The following ZNF701 variants were observed in gnomAD, a reference collection of about 807,000 sequenced individuals.
ZNF701 encodes zinc finger protein 701.
ZNF701 carries 6 observed loss-of-function variants against 7.1 expected under a neutral mutation model. The observed-to-expected ratio is 0.84, with a 90% CI of 0.46 to 1.66. ZNF701 has a LOEUF of 1.66. Among genes scored for constraint, ZNF701 ranks in the 40% most tolerant of loss-of-function variants. ZNF701 has a pLI of 0.01. For synonymous variants in ZNF701, 166 were observed against 188.2 expected, an observed-to-expected ratio of 0.88 and a Z score of 0.97; for missense variants, 541 against 559.2, an observed-to-expected ratio of 0.97 and a Z score of 0.33.
At chr19:52,578,352 C>CT (rs2059951078) in intron 3 of ZNF701, among the ~76,000 whole-genome samples, 1 of 152,056 alleles carries the variant, frequency 6.6e-6, no homozygotes, top group African/African-American at 2.4e-5. Flanking sequence ...GCAAGGGCCC[C>CT]TTGTCCTATG....
chr19:52,579,172 TAAAA>T (rs1568503552), intron 3 of ZNF701, among the ~76,000 whole-genome samples: 1 of 143,288 alleles, frequency 7.0e-6, no homozygotes, highest in Non-Finnish European at 1.5e-5. Flanking sequence ...CCGACAAAAA[TAAAA>T]AAAGTTCTAG....
chr19:52,593,576 G>A, the ZNF701 span, among the ~76,000 whole-genome samples: 8 of 114,676 alleles, frequency 7.0e-5, 2 homozygotes, highest in Admixed American at 2.7e-4. Flanking sequence ...TGGCTGCCGG[G>A]AGGAGACGCT....
chr19:52,597,284 G>T, the ZNF701 span: 6 of 545,336 alleles, frequency 1.1e-5, no homozygotes, highest in East Asian at 2.5e-4. Flanking sequence ...GCAAAGTCTT[G>T]ACTTCACGTT....
chr19:52,592,222 T>G, the ZNF701 span: 13 of 1,577,978 alleles, frequency 8.2e-6, no homozygotes, highest in Non-Finnish European at 1.1e-5. Context: ...GAACCTGGAG[T>G]TTGTGGGTGA....
At chr19:52,573,445 C>T (rs2059913125) in intron 1 of ZNF701, among the ~76,000 whole-genome samples, 1 of 152,096 alleles carries the variant, frequency 6.6e-6, no homozygotes, top group South Asian at 2.1e-4. Context: ...CCATGTTGGC[C>T]AGGCTGCTGT....
At position 52,582,902 on chromosome 19, in the gene ZNF701, C is replaced by G; in HGVS notation, c.843C>G (p.His281Gln). 6.2e-7 allele frequency: 1 copy of G among 1,612,852 alleles called. No individual in the cohort carries two copies. The change falls in exon 4 of 4, where the codon CAC (histidine) becomes CAG (glutamine). Residue 281 changes from histidine to glutamine, a missense_variant. Physicochemically the swap from His to Gln is conservative, Grantham distance 24. Coordinates refer to ENST00000391785, the MANE Select transcript of ZNF701 (RefSeq NM_018260.3). ...TCNECGKTFS[H>Q]NSALLVHKAI... ...ATGAGTGTGGCAAGACATTCAGTCA[C>G]AATTCAGCCCTGTTAGTTCACAAGG...
At chr19:52,575,825 C>T in intron 2 of ZNF701, 70 bp from the exon 3 acceptor site, 2 of 1,048,864 alleles carry the variant, frequency 1.9e-6, no homozygotes, top group South Asian at 1.6e-5. Flanking sequence ...TTCCCCTCTC[C>T]TCTTCTCATT....
At chr19:52,576,320 C>T (rs1218985350) in intron 3 of ZNF701, among the ~76,000 whole-genome samples, 1 of 152,052 alleles carries the variant, frequency 6.6e-6, no homozygotes, top group Non-Finnish European at 1.5e-5. Flanking sequence ...GCGTGTGGAT[C>T]ACTTCAGGTC....
In ZNF701 at chr19:52,584,594, T is replaced by C. The variant is rs187409868; in HGVS notation, c.*1137T>C. 9.2e-5 allele frequency: 14 copies of C among 152,370 alleles called. No individual in the cohort carries two copies. The highest frequency in any genetic ancestry group is 7.8e-4 in the Admixed American group (12 of 15,310). The allele number at this position is 152,370 out of a possible 1,614,324, so 9.4% of individuals were successfully genotyped here. ...AATGTGGGTTGTATATATATGTTTT[T>C]AATCATTTTGGTTAATGTTTGTAGA... On this transcript the variant is annotated 3_prime_UTR_variant, in exon 4 of 4. Transcript: ENST00000391785.
At chr19:52,575,851 A>T in intron 2 of ZNF701, 44 bp from the exon 3 acceptor site, 1 of 1,243,250 alleles carries the variant, frequency 8.0e-7, no homozygotes, top group Non-Finnish European at 1.1e-6. Flanking sequence ...TAAAGATAAG[A>T]TCTCCTCCCA....
In ZNF701 at chr19:52,585,981, T is replaced by C. The variant is rs2060008820; in HGVS notation, c.*2524T>C. 6.6e-6 allele frequency: 1 copy of C among 152,270 alleles called. No homozygotes were observed. The highest frequency in any genetic ancestry group is 2.4e-5 in the African/African-American group (1 of 41,446). 9.4% of individuals were successfully genotyped at this position (152,270 alleles called of 1,614,324 possible). On this transcript the variant is annotated 3_prime_UTR_variant, in exon 4 of 4. Coordinates refer to ENST00000391785, the MANE Select transcript of ZNF701 (RefSeq NM_018260.3). ...TAGTCTAGTTTTGGAAAGTTCGCGT[T>C]AATTGGTTTTAGATTCCCTGCCTCC... is the stretch of plus-strand genomic sequence containing the variant.
chr19:52,595,409 A>G, the ZNF701 span, among the ~76,000 whole-genome samples: 3 of 150,122 alleles, frequency 2.0e-5, no homozygotes, highest in Non-Finnish European at 3.0e-5. Flanking sequence ...AGCTAGGACT[A>G]TAGGCACCTA....
intron 1 of ZNF701, among the ~76,000 whole-genome samples, chr19:52,571,419 C>G (rs2059898965): frequency 1.3e-5 from 2 of 151,962 alleles, no homozygotes; most frequent in Non-Finnish European, 1.5e-5. Context: ...GGCAGAGATG[C>G]AGAGATGGGA....
At chr19:52,599,097 G>A in the ZNF701 span, among the ~76,000 whole-genome samples, 36,534 of 150,924 alleles carry the variant, frequency 0.24, 4,475 homozygotes, top group Admixed American at 0.32. Context: ...CCACGATCTC[G>A]CCTCACCACA....
intron 1 of ZNF701, among the ~76,000 whole-genome samples, chr19:52,573,650 G>C (rs2146978967): frequency 6.6e-6 from 1 of 152,124 alleles, no homozygotes; most frequent in South Asian, 2.1e-4. Flanking sequence ...TGGGACCAGA[G>C]ACACACAGAC....
chr19:52,592,435 A>G, the ZNF701 span, among the ~76,000 whole-genome samples: 1 of 152,210 alleles, frequency 6.6e-6, no homozygotes. Flanking sequence ...CAGAAAATTC[A>G]TGAAGAACAC....
chr19:52,577,494 T>TGTCA (rs1161778733), intron 3 of ZNF701, among the ~76,000 whole-genome samples: 1 of 70,572 alleles, frequency 1.4e-5, no homozygotes, highest in African/African-American at 1.1e-4. Flanking sequence ...CATGGACAAT[T>TGTCA]ATCAATCATT....
rs2059986819 is a variant in ZNF701, at chr19:52,583,037, C to T, written c.978C>T (p.Tyr326=). The change falls in exon 4 of 4, where the codon TAC becomes TAT. Residue 326 remains tyrosine, a synonymous_variant. Coordinates refer to ENST00000391785, the MANE Select transcript of ZNF701 (RefSeq NM_018260.3). ...HHRVHTGEKP[Y]KCEECDKVFS... Reference sequence around the variant, plus strand: ...GAGTTCATACTGGAGAGAAACCTTACAAATGTGAAGAATGTGACAAAGTTT... The same window carrying T: ...GAGTTCATACTGGAGAGAAACCTTATAAATGTGAAGAATGTGACAAAGTTT... 6.2e-7 allele frequency: 1 copy of T among 1,613,678 alleles called. No individual in the cohort carries two copies. Among genetic ancestry groups the T allele is most frequent in the Non-Finnish European group, 8.5e-7 (1 of 1,179,850 alleles).
At chr19:52,575,314 A>G (rs191411010) in intron 2 of ZNF701, among the ~76,000 whole-genome samples, 3 of 141,624 alleles carry the variant, frequency 2.1e-5, no homozygotes, top group African/African-American at 8.9e-5. Flanking sequence ...ACACAACCCC[A>G]TACATATACA....
Sources: gnomAD v4.1 joint callset for allele counts (sites outside exome capture counted in the v4.1 genomes callset) on GRCh38, gnomAD v4.1.1 for gene constraint, MANE v1.5 for transcripts, NCBI Gene and HGNC (gene_info 2026-07-23, HGNC 2026-07-21) for gene names.